The following CFAP46 variants were observed in gnomAD, a reference collection of about 807,000 sequenced individuals.
CFAP46 encodes cilia- and flagella-associated protein 46.
In CFAP46, 245 loss-of-function variants were observed where a neutral mutation model predicts 325.7. That is an observed-to-expected ratio of 0.75 (90% CI 0.68 to 0.84). CFAP46 has a LOEUF of 0.84. CFAP46 is among the 40% of genes least tolerant of loss of function. The probability of loss-of-function intolerance (pLI) is 0.00; values close to 1 mark genes in which losing one functional copy is unlikely to be tolerated. For synonymous variants in CFAP46, 1,523 were observed against 1,495.9 expected (o/e 1.02, Z -0.42); for missense variants, 3,346 against 3,543.0 (o/e 0.94, Z 1.41).
chr10:132,868,199 G>A (rs567996313), intron 33 of CFAP46, among the ~76,000 whole-genome samples: 8 of 152,310 alleles, frequency 5.3e-5, no homozygotes, highest in Non-Finnish European at 8.8e-5. Context: ...CCGCCGAGAC[G>A]TCGCTGCTCC....
At chr10:132,896,912 A>G (rs1849328320) in intron 24 of CFAP46, among the ~76,000 whole-genome samples, 1 of 152,226 alleles carries the variant, frequency 6.6e-6, no homozygotes. Context: ...GCAAAATGAT[A>G]CCATACAGGC....
chr10:132,936,565 TCTC>T (rs1165179708), intron 7 of CFAP46, among the ~76,000 whole-genome samples: 1 of 135,592 alleles, frequency 7.4e-6, no homozygotes, highest in African/African-American at 2.9e-5. Context: ...TACACTGTGA[TCTC>T]CTCACTCCCC....
chr10:132,937,496 CAAT>C (rs1850027163), intron 6 of CFAP46, 53 bp downstream of exon 6: 2 of 1,605,896 alleles, frequency 1.2e-6, no homozygotes, highest in Non-Finnish European at 1.7e-6. Flanking sequence ...GTTTTCTGAA[CAAT>C]GACTTTTAAG....
chr10:132,936,901 C>T, intron 7 of CFAP46, 60 bp downstream of exon 7: 2 of 1,049,198 alleles, frequency 1.9e-6, no homozygotes, highest in South Asian at 2.3e-5. Context: ...GGGGACAGAG[C>T]TCTCCCAAGC....
At chr10:132,864,667 C>A (rs1207309681) in intron 35 of CFAP46, among the ~76,000 whole-genome samples, 4 of 146,956 alleles carry the variant, frequency 2.7e-5, no homozygotes, top group African/African-American at 7.5e-5. Context: ...ACACCTGTCC[C>A]CAGTGCCCGA....
At chr10:132,891,815 C>T (rs890320092) in intron 25 of CFAP46, among the ~76,000 whole-genome samples, 8 of 152,226 alleles carry the variant, frequency 5.3e-5, no homozygotes, top group African/African-American at 1.9e-4. Flanking sequence ...ACTCTTTCAA[C>T]AAATTGTCAA....
Position 132,899,527 on chromosome 10 carries a change from CCA to C in CFAP46, c.3056+6_3056+7del, listed in dbSNP as rs1849365127. 1 of 1,543,428 alleles carries C rather than the reference CCA, an allele frequency of 6.5e-7. No individual in the cohort carries two copies. Reference sequence around the variant, plus strand: ...CAGAGCCCACCCCAGCCCCTTAGAGCCACACACCTGGCGCTCTCCGTGAAGGC... The same window carrying C: ...CAGAGCCCACCCCAGCCCCTTAGAGCCACACCTGGCGCTCTCCGTGAAGGC... On this transcript the variant is annotated splice_donor_region_variant and intron_variant, in intron 23 of 57. Coordinates refer to ENST00000368586, the MANE Select transcript of CFAP46 (RefSeq NM_001200049.3).
chr10:132,864,005 G>T (rs1269161311), intron 35 of CFAP46, among the ~76,000 whole-genome samples: 1 of 141,562 alleles, frequency 7.1e-6, no homozygotes, highest in Non-Finnish European at 1.5e-5. Flanking sequence ...CAGTGCCTGA[G>T]ACCTGAACAC....
chr10:132,829,153 G>A (rs1848109100), intron 50 of CFAP46, among the ~76,000 whole-genome samples: 1 of 151,250 alleles, frequency 6.6e-6, no homozygotes, highest in Non-Finnish European at 1.5e-5. Context: ...ATCACCTTGG[G>A]GCAAGGTGAC....
Position 132,818,827 on chromosome 10 carries a change from C to T in CFAP46, c.7118-3913G>A, listed in dbSNP as rs572647703. 2.2e-4 allele frequency among the ~76,000 whole-genome samples: 33 copies of T among 150,150 alleles called. No individual in the cohort carries two copies. The South Asian group carries it at 4.2e-3, about 19-fold the overall frequency. ...CGAGATTGCGCCACTGCACTCTAGCCTGGGCAACAGAGTGAGACTCCATCT... is the reference window on the plus strand; with the variant it reads ...CGAGATTGCGCCACTGCACTCTAGCTTGGGCAACAGAGTGAGACTCCATCT... On this transcript the variant is annotated intron_variant, in intron 50 of 57. Transcript: ENST00000368586.
Position 132,810,994 on chromosome 10 carries a change from G to C in CFAP46, c.7539C>G (p.Ser2513=), listed in dbSNP as rs1185414628. 3 of 1,607,648 alleles carry C rather than the reference G, an allele frequency of 1.9e-6. No homozygotes were observed. Among genetic ancestry groups the C allele is most frequent in the Non-Finnish European group, 2.5e-6 (3 of 1,177,336 alleles). ...CCATGTGCCTCTTCAAGCTCTGGTA[G>C]GACCGCGCCAGGTCCAGCAGGACTG... is the stretch of plus-strand genomic sequence containing the variant. ...QVAVLLDLAR[S]YQSLKRHMES... is the part of the protein sequence containing the mutation. Residue 2513 remains serine, a synonymous_variant, in exon 56 of 58, where the codon TCC becomes TCG. Coordinates refer to ENST00000368586, the MANE Select transcript of CFAP46 (RefSeq NM_001200049.3).
chr10:132,867,923 C>T (rs1424376321), intron 33 of CFAP46, among the ~76,000 whole-genome samples: 2 of 152,360 alleles, frequency 1.3e-5, no homozygotes, highest in Non-Finnish European at 1.5e-5. Context: ...CCTTCCCCTT[C>T]GCTGCTCCAC....
In CFAP46 at chr10:132,919,095, T is replaced by A. The variant is rs977988206; in HGVS notation, c.1858+220A>T. On this transcript the variant is annotated intron_variant, in intron 15 of 57. Coordinates refer to ENST00000368586, the MANE Select transcript of CFAP46 (RefSeq NM_001200049.3). The surrounding 1 kb of genome is among the most constrained non-coding windows in gnomAD (Gnocchi z 9.7). ...GCCCCCAGTGACTGAAGATGGAGTG[T>A]GACGACGGTGCTCGTGGCTCGGCCG... Among the ~76,000 whole-genome samples, 1 of 152,188 alleles carries A rather than the reference T, an allele frequency of 6.6e-6. No homozygotes were observed. Among genetic ancestry groups the A allele is most frequent in the African/African-American group, 2.4e-5 (1 of 41,446 alleles).
At chr10:132,848,739 G>A (rs1848484223) in intron 41 of CFAP46, among the ~76,000 whole-genome samples, 2 of 152,168 alleles carry the variant, frequency 1.3e-5, no homozygotes, top group South Asian at 4.1e-4. Context: ...GCCCACTCGG[G>A]CCCCCTCTCC....
At chr10:132,823,965 GAGTGCTAA>G in intron 50 of CFAP46, among the ~76,000 whole-genome samples, 1 of 134,530 alleles carries the variant, frequency 7.4e-6, no homozygotes, top group Non-Finnish European at 1.6e-5. Context: ...TGTGCTGTGT[GAGTGCTAA>G]TGTGTGCTGT....
At chr10:132,875,322 T>C (rs1848943885) in intron 31 of CFAP46, among the ~76,000 whole-genome samples, 3 of 152,228 alleles carry the variant, frequency 2.0e-5, no homozygotes, top group Non-Finnish European at 4.4e-5. Flanking sequence ...CTCCATAAAG[T>C]AATTTACAGA....
rs1221886459 is a variant in CFAP46 at position 132,918,615 on chromosome 10, C to G, written c.1859-95G>C. On this transcript the variant is annotated intron_variant, in intron 15 of 57. Coordinates refer to ENST00000368586, the MANE Select transcript of CFAP46 (RefSeq NM_001200049.3). ...GAACCATCTTGGAGTGCCTGAGCCT[C>G]TCCCCAGCTCCGTGTAGGGTCCGCC... 3.5e-6 allele frequency: 5 copies of G among 1,410,186 alleles called. No individual in the cohort carries two copies. In the East Asian group the frequency reaches 1.0e-4, roughly 29 times the overall value. 87.4% of individuals were successfully genotyped at this position (1,410,186 alleles called of 1,614,324 possible).
At chr10:132,868,854 G>T (rs911929807) in intron 33 of CFAP46, among the ~76,000 whole-genome samples, 1 of 152,226 alleles carries the variant, frequency 6.6e-6, no homozygotes, top group Non-Finnish European at 1.5e-5. Context: ...ACACTAACGA[G>T]AGTTAGTTGT....
At position 132,857,718 on chromosome 10, in the gene CFAP46, G is replaced by A. The variant is rs372585021; in HGVS notation, c.5446C>T (p.Gln1816Ter). The change falls in exon 39 of 58, where the codon CAG becomes TAG. Residue 1816 changes from glutamine to a stop codon, truncating the protein, a stop_gained. Transcript: ENST00000368586. LOFTEE classifies it high-confidence loss of function. Reference sequence around the variant, plus strand: ...CCTTCTTCCTCAGCTACGGCACCCTGGGCCAGGCCATACGCTTCCAAGTAA... The same window carrying A: ...CCTTCTTCCTCAGCTACGGCACCCTAGGCCAGGCCATACGCTTCCAAGTAA... ...AYYLEAYGLAQGAVAEEEGRL... is the reference protein window; with the variant it reads ...AYYLEAYGLA 63 of 1,611,654 alleles carry A rather than the reference G, an allele frequency of 3.9e-5. No homozygotes were observed. The highest frequency in any genetic ancestry group is 5.3e-5 in the Non-Finnish European group (62 of 1,179,144).
Sources: allele counts gnomAD v4.1 joint callset (sites outside exome capture counted in the v4.1 genomes callset), GRCh38; gene constraint gnomAD v4.1.1; non-coding constraint Gnocchi (gnomAD v3.1); transcripts MANE v1.5; gene names NCBI Gene and HGNC (gene_info 2026-07-23, HGNC 2026-07-21).